Variants in CPNE8 observed in about 807,000 individuals in gnomAD.
CPNE8 encodes the protein copine 8, also known as copine-8.
CPNE8 carries 45 observed loss-of-function variants against 81.5 expected under a neutral mutation model. The observed-to-expected ratio is 0.55, with a 90% CI of 0.44 to 0.71. The LOEUF (loss-of-function observed/expected upper bound fraction) is 0.71. Ranked by LOEUF, CPNE8 falls within the 30% of genes least tolerant of loss-of-function variation. The pLI, the probability that CPNE8 is intolerant of heterozygous loss-of-function variation, is 0.00. For synonymous variants in CPNE8, 252 were observed against 226.3 expected (o/e 1.11, Z -1.02); for missense variants, 594 against 672.1 (o/e 0.88, Z 1.28).
chr12:38,744,190 T>C (rs1016971219), intron 10 of CPNE8, among the ~76,000 whole-genome samples: 1 of 152,180 alleles, frequency 6.6e-6, no homozygotes, highest in Non-Finnish European at 1.5e-5. Context: ...AACATCTGTG[T>C]CTGTTGGGAA....
chr12:38,777,931 C>A (rs573328347), intron 6 of CPNE8, among the ~76,000 whole-genome samples: 1 of 152,164 alleles, frequency 6.6e-6, no homozygotes, highest in South Asian at 2.1e-4. Context: ...CTCATAGGAA[C>A]GTGAACCCTA....
At chr12:38,899,623 T>C (rs1944432430) in intron 1 of CPNE8, among the ~76,000 whole-genome samples, 1 of 152,220 alleles carries the variant, frequency 6.6e-6, no homozygotes, top group Non-Finnish European at 1.5e-5. Flanking sequence ...ACCTCTTCAA[T>C]AAAAAGCTGA....
chr12:38,782,968 C>T (rs1178108940), intron 6 of CPNE8, among the ~76,000 whole-genome samples: 1 of 152,094 alleles, frequency 6.6e-6, no homozygotes, highest in Non-Finnish European at 1.5e-5. Flanking sequence ...GCATGAGCCA[C>T]CCCACCTTGA....
At chr12:38,655,416 G>A (rs978097214) in intron 19 of CPNE8, among the ~76,000 whole-genome samples, 1 of 152,098 alleles carries the variant, frequency 6.6e-6, no homozygotes, top group African/African-American at 2.4e-5. Flanking sequence ...TGAATGTTGT[G>A]ATAATTTAAG....
At chr12:38,687,374 C>CTTT (rs61259310) in intron 15 of CPNE8, among the ~76,000 whole-genome samples, 1,079 of 58,278 alleles carry the variant, frequency 0.019, 1 homozygote, top group African/African-American at 0.037. Flanking sequence ...CCAAGACTTT[C>CTTT]TTTTTTTTTT....
At chr12:38,855,360 T>C (rs1565649900) in intron 3 of CPNE8, among the ~76,000 whole-genome samples, 1 of 151,932 alleles carries the variant, frequency 6.6e-6, no homozygotes. Context: ...TTCACAGAAA[T>C]AGAAAATACA....
intron 9 of CPNE8, 31 bp downstream of exon 9, chr12:38,762,081 T>C: frequency 8.9e-7 from 1 of 1,124,062 alleles, no homozygotes. Flanking sequence ...AAAAGTTATT[T>C]GAAGATTTTT....
rs571596831 is a variant in CPNE8, at chr12:38,848,667, GGAAA to G, written c.187-9_187-6del. Reference sequence around the variant, plus strand: ...AATTACTTCAGTTCTTCCAAACTGTGGAAAGAGAGAGAGAATTTAAAATTAAACC... The same window carrying G: ...AATTACTTCAGTTCTTCCAAACTGTGGAGAGAGAGAATTTAAAATTAAACC... On this transcript the variant is annotated splice_region_variant and splice_polypyrimidine_tract_variant and intron_variant, in intron 3 of 19. Coordinates refer to ENST00000331366, the MANE Select transcript of CPNE8 (RefSeq NM_153634.3). 607 of 1,580,714 alleles carry G rather than the reference GGAAA, an allele frequency of 3.8e-4. 2 individuals carry two copies. In the African/African-American group the frequency reaches 7.2e-3, roughly 19 times the overall value.
chr12:38,845,349 T>G (rs1052052377), intron 4 of CPNE8, among the ~76,000 whole-genome samples: 30 of 152,148 alleles, frequency 2.0e-4, no homozygotes, highest in African/African-American at 7.2e-4. Context: ...AAATTGCAAT[T>G]CTAATTATTG....
chr12:38,742,041 T>C (rs887216567), intron 10 of CPNE8, among the ~76,000 whole-genome samples: 1 of 152,110 alleles, frequency 6.6e-6, no homozygotes, highest in Admixed American at 6.6e-5. Flanking sequence ...CTGGAGAGGA[T>C]GTGGAGAAAT....
chr12:38,679,139 A>C (rs1394586041), intron 16 of CPNE8, among the ~76,000 whole-genome samples: 2 of 151,822 alleles, frequency 1.3e-5, no homozygotes, highest in Non-Finnish European at 3.0e-5. Flanking sequence ...AATAGTAGTG[A>C]AAACCTTCTT....
intron 19 of CPNE8, among the ~76,000 whole-genome samples, chr12:38,657,538 G>A (rs576346355): frequency 4.6e-5 from 7 of 152,260 alleles, no homozygotes; most frequent in South Asian, 2.1e-4. Flanking sequence ...CTCCCAGCAC[G>A]GCGTTTGAGC....
chr12:38,762,483 T>G (rs1456826512), intron 8 of CPNE8, among the ~76,000 whole-genome samples: 1 of 152,164 alleles, frequency 6.6e-6, no homozygotes. Flanking sequence ...AAAATTGTGG[T>G]GACATGCTGA....
At chr12:38,822,343 A>C in intron 6 of CPNE8, among the ~76,000 whole-genome samples, 1 of 152,204 alleles carries the variant, frequency 6.6e-6, no homozygotes, top group East Asian at 1.9e-4. Flanking sequence ...TATTTGGATA[A>C]TACTTACCAC....
intron 13 of CPNE8, among the ~76,000 whole-genome samples, chr12:38,723,516 G>C (rs1210149910): frequency 6.6e-6 from 1 of 152,094 alleles, no homozygotes; most frequent in African/African-American, 2.4e-5. Context: ...AACATCCTAT[G>C]AAAGTGAACA....
intron 3 of CPNE8, among the ~76,000 whole-genome samples, chr12:38,869,334 AG>A (rs1943958486): frequency 6.6e-6 from 1 of 152,190 alleles, no homozygotes; most frequent in Admixed American, 6.5e-5. Context: ...TTAATTGTAT[AG>A]TACTTCTTAT....
At chr12:38,826,540 A>G (rs1283308722) in intron 6 of CPNE8, among the ~76,000 whole-genome samples, 1 of 152,148 alleles carries the variant, frequency 6.6e-6, no homozygotes, top group African/African-American at 2.4e-5. Context: ...AACCCCCAGC[A>G]AATTCTCCCA....
chr12:38,679,539 T>C, intron 16 of CPNE8: 1 of 971,196 alleles, frequency 1.0e-6, no homozygotes, highest in Non-Finnish European at 1.2e-6. Flanking sequence ...TGTGTGACTG[T>C]CACTACTGCT....
intron 13 of CPNE8, among the ~76,000 whole-genome samples, chr12:38,711,569 A>T (rs905968203): frequency 6.6e-6 from 1 of 151,850 alleles, no homozygotes; most frequent in East Asian, 1.9e-4. Flanking sequence ...CCTGGGATCA[A>T]GCGATTCTCC....
Sources: allele counts gnomAD v4.1 joint callset (sites outside exome capture counted in the v4.1 genomes callset), GRCh38; gene constraint gnomAD v4.1.1; transcripts MANE v1.5; gene names NCBI Gene and HGNC (gene_info 2026-07-23, HGNC 2026-07-21).